LRP1B: variants seen among roughly 807,000 people sequenced by gnomAD.
LRP1B encodes the protein LDL receptor related protein 1B, also known as low-density lipoprotein receptor-related protein 1B.
Under a neutral mutation model 556.6 loss-of-function variants are expected in LRP1B, and 217 were observed. The observed-to-expected ratio is 0.39, with a 90% CI of 0.35 to 0.44. LRP1B has a LOEUF of 0.44. Ranked by LOEUF, LRP1B falls within the 20% of genes least tolerant of loss-of-function variation. The pLI, the probability that LRP1B is intolerant of heterozygous loss-of-function variation, is 1.00. For synonymous variants in LRP1B, 2,047 were observed against 1,865.8 expected, an observed-to-expected ratio of 1.10 and a Z score of -2.50; for missense variants, 5,053 against 5,620.8, an observed-to-expected ratio of 0.90 and a Z score of 3.23.
At chr2:141,873,317 G>A (rs2105802849) in intron 1 of LRP1B, among the ~76,000 whole-genome samples, 1 of 151,950 alleles carries the variant, frequency 6.6e-6, no homozygotes, top group Admixed American at 6.6e-5. Flanking sequence ...AAAATTAGTG[G>A]GGTATGATAG....
At chr2:140,722,759 G>A (rs1004969280) in intron 35 of LRP1B, among the ~76,000 whole-genome samples, 6 of 152,116 alleles carry the variant, frequency 3.9e-5, no homozygotes, top group African/African-American at 1.4e-4. Context: ...AAATAGTAAA[G>A]GGGACCGGGC....
chr2:141,951,607 C>G (rs1279674606), intron 1 of LRP1B, among the ~76,000 whole-genome samples: 2 of 152,058 alleles, frequency 1.3e-5, no homozygotes, highest in East Asian at 1.9e-4. Context: ...AGAGTCAAAC[C>G]ACAGTTTGCA....
At chr2:142,014,976 C>A (rs780668404) in intron 1 of LRP1B, among the ~76,000 whole-genome samples, 89 of 152,230 alleles carry the variant, frequency 5.8e-4, no homozygotes, top group Admixed American at 2.1e-3. Flanking sequence ...TCAAAAGATT[C>A]TATTAATATG....
At chr2:140,601,318 G>A in intron 42 of LRP1B, 132 bp downstream of exon 42, 1 of 816,132 alleles carries the variant, frequency 1.2e-6, no homozygotes, top group Non-Finnish European at 1.7e-6. Context: ...AAAAAAAAAA[G>A]TTTTATGAAT....
At chr2:141,240,219 C>T (rs1683812706) in intron 5 of LRP1B, among the ~76,000 whole-genome samples, 1 of 152,064 alleles carries the variant, frequency 6.6e-6, no homozygotes, top group African/African-American at 2.4e-5. Flanking sequence ...TTATCTCTGT[C>T]AAAGGCAATT....
At chr2:140,287,832 G>A (rs901223193) in intron 84 of LRP1B, among the ~76,000 whole-genome samples, 8 of 151,528 alleles carry the variant, frequency 5.3e-5, no homozygotes, top group African/African-American at 1.9e-4. Flanking sequence ...GATCTATATT[G>A]TGAAAAATTA....
intron 83 of LRP1B, among the ~76,000 whole-genome samples, chr2:140,310,224 AATTTCCT>A: frequency 6.6e-6 from 1 of 151,806 alleles, no homozygotes; most frequent in East Asian, 1.9e-4. Flanking sequence ...TTGGAGTTAT[AATTTCCT>A]ATATCACATA....
chr2:140,866,148 A>G (rs974820443), intron 27 of LRP1B, among the ~76,000 whole-genome samples: 44 of 152,136 alleles, frequency 2.9e-4, no homozygotes, highest in Admixed American at 2.8e-3. Context: ...ACAAAATGCC[A>G]AACAATCTGA....
At chr2:142,071,550 T>A (rs1220374869) in intron 1 of LRP1B, among the ~76,000 whole-genome samples, 1 of 151,978 alleles carries the variant, frequency 6.6e-6, no homozygotes, top group Non-Finnish European at 1.5e-5. Context: ...AATTTAAATA[T>A]CCTCATTTAT....
At chr2:141,694,114 C>CCCTTTCT (rs1334221321) in intron 2 of LRP1B, among the ~76,000 whole-genome samples, 1 of 152,040 alleles carries the variant, frequency 6.6e-6, no homozygotes, top group African/African-American at 2.4e-5. Flanking sequence ...CCATTTCTCT[C>CCCTTTCT]CCTTTCTCCT....
At chr2:141,477,741 T>C (rs968385484) in intron 3 of LRP1B, among the ~76,000 whole-genome samples, 1 of 152,118 alleles carries the variant, frequency 6.6e-6, no homozygotes, top group Non-Finnish European at 1.5e-5. Context: ...GTTCTTACGA[T>C]GCTATGTAGT....
At chr2:140,478,718 T>TA (rs1269928271) in intron 59 of LRP1B, among the ~76,000 whole-genome samples, 1 of 152,102 alleles carries the variant, frequency 6.6e-6, no homozygotes, top group Non-Finnish European at 1.5e-5. Context: ...TTAGGAGCTT[T>TA]AATTAGCCTT....
intron 1 of LRP1B, among the ~76,000 whole-genome samples, chr2:142,017,436 G>A (rs1175499424): frequency 6.6e-6 from 1 of 152,080 alleles, no homozygotes; most frequent in Non-Finnish European, 1.5e-5. Context: ...GATATATGTT[G>A]CATTCTAGGA....
chr2:140,879,860 G>C (rs540026783), intron 25 of LRP1B, among the ~76,000 whole-genome samples: 3 of 150,506 alleles, frequency 2.0e-5, no homozygotes, highest in South Asian at 4.2e-4. Flanking sequence ...TGGGTCAAAA[G>C]ACATGAACAA....
chr2:142,122,233 G>A (rs1559083611), intron 1 of LRP1B, among the ~76,000 whole-genome samples: 1 of 152,056 alleles, frequency 6.6e-6, no homozygotes, highest in African/African-American at 2.4e-5. Flanking sequence ...AATAGCAAAG[G>A]AAGTCAAAAT....
chr2:141,301,144 T>G (rs1686378506), intron 3 of LRP1B, among the ~76,000 whole-genome samples: 1 of 152,128 alleles, frequency 6.6e-6, no homozygotes, highest in South Asian at 2.1e-4. Flanking sequence ...TCCTTAAAAT[T>G]TTTCATACTT....
At chr2:141,880,604 G>A (rs1412122178) in intron 1 of LRP1B, among the ~76,000 whole-genome samples, 2 of 151,976 alleles carry the variant, frequency 1.3e-5, no homozygotes, top group Admixed American at 6.6e-5. Context: ...TAGAAAAAAT[G>A]AGAAATTGAT....
chr2:140,254,987 A>T (rs567843633), intron 86 of LRP1B, among the ~76,000 whole-genome samples: 3 of 152,304 alleles, frequency 2.0e-5, no homozygotes, highest in Non-Finnish European at 4.4e-5. Flanking sequence ...TAGAAACTAC[A>T]CTCTCAAAAT....
At chr2:140,647,683 C>T (rs1015210033) in intron 41 of LRP1B, among the ~76,000 whole-genome samples, 6 of 152,106 alleles carry the variant, frequency 3.9e-5, no homozygotes, top group African/African-American at 1.4e-4. Context: ...AAAAATTATG[C>T]ATTTTTGCTC....
Sources: gnomAD v4.1 joint callset for allele counts (sites outside exome capture counted in the v4.1 genomes callset) on GRCh38, gnomAD v4.1.1 for gene constraint, MANE v1.5 for transcripts, NCBI Gene and HGNC (gene_info 2026-07-23, HGNC 2026-07-21) for gene names.